The following DHX8 variants were observed in gnomAD, a reference collection of about 807,000 sequenced individuals.
DHX8 encodes the protein ATP-dependent RNA helicase DHX8.
Under a neutral mutation model 140.7 loss-of-function variants are expected in DHX8, and 67 were observed. That is an observed-to-expected ratio of 0.48 (90% CI 0.39 to 0.58). DHX8 has a LOEUF of 0.58. Ranked by LOEUF, DHX8 falls within the 20% of genes least tolerant of loss-of-function variation. DHX8 has a pLI of 0.00. For synonymous variants in DHX8, 533 were observed against 553.2 expected, an observed-to-expected ratio of 0.96 and a Z score of 0.51; for missense variants, 887 against 1,550.7, an observed-to-expected ratio of 0.57 and a Z score of 7.19.
intron 9 of DHX8, 56 bp downstream of exon 9, chr17:43,496,324 G>T: frequency 7.8e-7 from 1 of 1,276,904 alleles, no homozygotes; most frequent in Non-Finnish European, 1.1e-6. Context: ...ATTGAATTGG[G>T]TGATTTGCCT....
intron 16 of DHX8, among the ~76,000 whole-genome samples, chr17:43,509,472 C>T (rs955156050): frequency 6.6e-6 from 1 of 151,740 alleles, no homozygotes; most frequent in African/African-American, 2.4e-5. Context: ...TAACTCCCTC[C>T]ACCTCCCACT....
At chr17:43,493,937 G>A (rs1267475843) in intron 8 of DHX8, 51 bp downstream of exon 8, 1 of 1,584,662 alleles carries the variant, frequency 6.3e-7, no homozygotes, top group Non-Finnish European at 8.7e-7. Flanking sequence ...ATGTAGCATG[G>A]TGCTTAGGGG....
rs552454368 is a variant in DHX8, at chr17:43,495,792, T to C, written c.1213-389T>C. Among the ~76,000 whole-genome samples the C allele has an allele frequency of 3.3e-5, 5 of 152,294 alleles. No individual in the cohort carries two copies. In the South Asian group the frequency reaches 1.0e-3, roughly 32 times the overall value. The stretch of plus-strand genomic sequence containing the variant: ...GTTTCCTACATGAAACCTCTGTAAT[T>C]AACTCTCCTAGAAAAGAAGAGTTTT... On this transcript the variant is annotated intron_variant, in intron 8 of 22. Coordinates refer to ENST00000262415, the MANE Select transcript of DHX8 (RefSeq NM_004941.3).
At chr17:43,499,882 ATTACAGGAGC>A in intron 10 of DHX8, 64 bp from the exon 11 acceptor site, 1 of 1,533,912 alleles carries the variant, frequency 6.5e-7, no homozygotes. Context: ...CATGTTTTAG[ATTACAGGAGC>A]TTAACTTCTA....
chr17:43,530,050 G>A, downstream of DHX8: 2 of 1,610,714 alleles, frequency 1.2e-6, no homozygotes, highest in Non-Finnish European at 1.7e-6. Flanking sequence ...CCTCCCCCAT[G>A]GCAGCGCTCC....
intron 3 of DHX8, among the ~76,000 whole-genome samples, chr17:43,539,991 ATAATACTTTG>A (rs1181389671): frequency 1.3e-5 from 2 of 152,206 alleles, no homozygotes; most frequent in African/African-American, 4.8e-5. Flanking sequence ...AGTCAACATA[ATAATACTTTG>A]GTCTGAAGTG....
Position 43,504,732 on chromosome 17 carries a change from C to A in DHX8, c.1635C>A (p.Gly545=). ...IPEWKKHAFG[G]NKASYGKKTQ... ...AGTGGAAGAAGCATGCCTTTGGGGGCAACAAAGCCTCTTACGGAAAAAAGA... is the reference window on the plus strand; with the variant it reads ...AGTGGAAGAAGCATGCCTTTGGGGGAAACAAAGCCTCTTACGGAAAAAAGA... The change falls in exon 12 of 23, where the codon GGC becomes GGA. Residue 545 remains glycine, a synonymous_variant. Coordinates refer to ENST00000262415, the MANE Select transcript of DHX8 (RefSeq NM_004941.3). The A allele has an allele frequency of 6.2e-7, 1 of 1,614,056 alleles. No homozygotes were observed. Among genetic ancestry groups the A allele is most frequent in the Non-Finnish European group, 8.5e-7 (1 of 1,180,020 alleles).
intron 18 of DHX8, 123 bp downstream of exon 18, chr17:43,517,445 G>A: frequency 8.6e-7 from 1 of 1,168,390 alleles, no homozygotes; most frequent in Middle Eastern, 2.1e-4. Flanking sequence ...CAGTCCCTTT[G>A]AGTGAAATGC....
chr17:43,538,194 C>T (rs1326837333), intron 3 of DHX8, among the ~76,000 whole-genome samples: 1 of 150,808 alleles, frequency 6.6e-6, no homozygotes, highest in African/African-American at 2.4e-5. Flanking sequence ...GTAATCCCAA[C>T]TATTCCGGAG....
At chr17:43,501,735 A>AT (rs1969211761) in intron 11 of DHX8, among the ~76,000 whole-genome samples, 1 of 150,202 alleles carries the variant, frequency 6.7e-6, no homozygotes, top group African/African-American at 2.4e-5. Context: ...TCCCCCCCCC[A>AT]TCTCAGCCTC....
intron 2 of DHX8, among the ~76,000 whole-genome samples, chr17:43,489,818 C>A (rs1268244162): frequency 3.3e-5 from 5 of 152,144 alleles, no homozygotes; most frequent in Admixed American, 6.5e-5. Context: ...TCTCGATCTC[C>A]TGACCTCGTG....
intron 9 of DHX8, 44 bp downstream of exon 9, chr17:43,496,312 C>G: frequency 1.4e-6 from 2 of 1,414,890 alleles, no homozygotes. Context: ...GCAAGTTGAG[C>G]CATTGAATTG....
rs1025715894 is a variant in DHX8, at chr17:43,497,744, C to T, written c.1301-1118C>T. ...TGCTGTAGCCTGGGCAACAGAGCAA[C>T]ACCCTGTCTTAAAAAAAAAAAATTA... On this transcript the variant is annotated intron_variant, in intron 9 of 22. Coordinates refer to ENST00000262415, the MANE Select transcript of DHX8 (RefSeq NM_004941.3). 4.0e-5 allele frequency among the ~76,000 whole-genome samples: 6 copies of T among 151,844 alleles called. No individual in the cohort carries two copies. In the South Asian group the frequency reaches 1.2e-3, roughly 32 times the overall value.
chr17:43,536,218 A>T, intron 2 of DHX8: 1 of 601,176 alleles, frequency 1.7e-6, no homozygotes, highest in Non-Finnish European at 3.0e-6. Flanking sequence ...CCAGAGGGAT[A>T]GTGTCTGCTC....
chr17:43,533,482 C>G, intron 2 of DHX8: 1 of 831,768 alleles, frequency 1.2e-6, no homozygotes, highest in Non-Finnish European at 1.9e-6. Context: ...AAGGGAACGG[C>G]AGGAGCCACA....
At chr17:43,495,852 A>C (rs1213135368) in intron 8 of DHX8, among the ~76,000 whole-genome samples, 1 of 152,188 alleles carries the variant, frequency 6.6e-6, no homozygotes, top group African/African-American at 2.4e-5. Context: ...TAATCTCAGC[A>C]CTTTGGGAGG....
chr17:43,520,310 C>T lies in DHX8; in HGVS notation c.2937+43C>T, dbSNP rs766397053. 1.2e-5 allele frequency: 20 copies of T among 1,604,290 alleles called. No homozygotes were observed. In the African/African-American group the frequency reaches 2.1e-4, roughly 17 times the overall value. On this transcript the variant is annotated intron_variant, in intron 19 of 22. Transcript: ENST00000262415. ...CTTCCTGTGCTTTTGGGAAGATTCC[C>T]TGGTCAGCCTTTCACATCCTTCGGT...
In DHX8 at chr17:43,520,231, G is replaced by A. The variant is rs778644626; in HGVS notation, c.2901G>A (p.Leu967=). 4.2e-5 allele frequency: 67 copies of A among 1,614,050 alleles called. 2 individuals are homozygous for A. In the South Asian group the frequency reaches 7.4e-4, roughly 18 times the overall value. The change falls in exon 19 of 23, where the codon CTG becomes CTA. Residue 967 remains leucine (L), a synonymous_variant. Coordinates refer to ENST00000262415, the MANE Select transcript of DHX8 (RefSeq NM_004941.3). ...AGCAGCTGTACACACTGGGGGCCCT[G>A]GATGACGAGGGCCTGCTCACTCGCT... The part of the protein sequence containing the change: ...AMEQLYTLGA[L]DDEGLLTRLG...
chr17:43,519,487 C>T (rs1318539596), intron 18 of DHX8: 1 of 149,792 alleles, frequency 6.7e-6, no homozygotes, highest in African/African-American at 2.4e-5. Flanking sequence ...TTGAGTTGTA[C>T]ATATTGTCAT....
Sources: gnomAD v4.1 joint callset for allele counts (sites outside exome capture counted in the v4.1 genomes callset) on GRCh38, gnomAD v4.1.1 for gene constraint, MANE v1.5 for transcripts, NCBI Gene and HGNC (gene_info 2026-07-23, HGNC 2026-07-21) for gene names.